The following TMEM245 variants were observed in gnomAD, a reference collection of about 807,000 sequenced individuals.
The protein encoded by TMEM245 is protein CG-2.
Under a neutral mutation model 101.2 loss-of-function variants are expected in TMEM245, and 69 were observed. The ratio of observed to expected loss-of-function variants is 0.68; its 90% CI spans 0.56 to 0.83. The LOEUF (loss-of-function observed/expected upper bound fraction) is 0.83, where lower values mean the gene tolerates loss of function less well. TMEM245 is among the 40% of genes least tolerant of loss of function. The pLI is 0.00. For synonymous variants in TMEM245, 537 were observed against 449.8 expected, an observed-to-expected ratio of 1.19 and a Z score of -2.45; for missense variants, 1,075 against 1,092.8, an observed-to-expected ratio of 0.98 and a Z score of 0.23.
chr9:109,060,245 G>A (rs2132433638), intron 11 of TMEM245, 109 bp downstream of exon 11: 1 of 815,068 alleles, frequency 1.2e-6, no homozygotes, highest in Non-Finnish European at 1.9e-6. Flanking sequence ...TTGCTGTTTT[G>A]AAATTTCCAT....
rs1827553996 is a variant in TMEM245, at chr9:109,019,434, C to CA, written c.*1025dup. On this transcript the variant is annotated 3_prime_UTR_variant, in exon 18 of 18. Transcript: ENST00000374586. Reference sequence around the variant, plus strand: ...TGATGTACTTGTGAAATAGTATGTGCAAAAGGACTTTGTAAAATGTAAAGC... The same window carrying CA: ...TGATGTACTTGTGAAATAGTATGTGCAAAAAGGACTTTGTAAAATGTAAAGC... 1 of 152,160 alleles carries CA rather than the reference C, an allele frequency of 6.6e-6. No individual in the cohort carries two copies. The highest frequency in any genetic ancestry group is 6.5e-5 in the Admixed American group (1 of 15,280). 9.4% of individuals were successfully genotyped at this position (152,160 alleles called of 1,614,324 possible). A position where few individuals can be genotyped will look rare whatever the true frequency, so the allele number is the denominator to read the frequency against.
At position 109,085,984 on chromosome 9, in the gene TMEM245, G is replaced by A. The variant is rs777057216; in HGVS notation, c.1344+13C>T. 6.2e-7 allele frequency: 1 copy of A among 1,613,828 alleles called. No homozygotes were observed. The highest frequency in any genetic ancestry group is 1.1e-5 in the South Asian group (1 of 91,074). Reference sequence around the variant, plus strand: ...ATTCAATAGTAAAAACCAACATCTGGGTGTTCATTTACCTTCTTATTTAGC... The same window carrying A: ...ATTCAATAGTAAAAACCAACATCTGAGTGTTCATTTACCTTCTTATTTAGC... On this transcript the variant is annotated intron_variant, in intron 7 of 17. Coordinates refer to ENST00000374586, the MANE Select transcript of TMEM245 (RefSeq NM_032012.4).
intron 12 of TMEM245, 53 bp downstream of exon 12, chr9:109,057,138 T>C: frequency 6.3e-7 from 1 of 1,585,112 alleles, no homozygotes; most frequent in South Asian, 1.1e-5. Flanking sequence ...AACTTGGAAT[T>C]ACAGTTTGTT....
chr9:109,044,883 C>A (rs1828435739), intron 14 of TMEM245, among the ~76,000 whole-genome samples: 1 of 151,860 alleles, frequency 6.6e-6, no homozygotes, highest in South Asian at 2.1e-4. Flanking sequence ...CCTGAGCCTC[C>A]CGAGTAGCTA....
chr9:109,045,576 A>G (rs77285104), intron 14 of TMEM245, among the ~76,000 whole-genome samples: 1 of 152,180 alleles, frequency 6.6e-6, no homozygotes, highest in Non-Finnish European at 1.5e-5. Flanking sequence ...AATGCTAACT[A>G]AAAAAATAAC....
chr9:109,115,755 C>G (rs1564215993), intron 1 of TMEM245, among the ~76,000 whole-genome samples: 1 of 151,994 alleles, frequency 6.6e-6, no homozygotes. Context: ...GTCTCGAACT[C>G]CTGACCTCAG....
At chr9:109,115,689 C>A (rs1326999183) in intron 1 of TMEM245, among the ~76,000 whole-genome samples, 1 of 151,664 alleles carries the variant, frequency 6.6e-6, no homozygotes, top group African/African-American at 2.4e-5. Context: ...GCCGTCACAC[C>A]CGGCTAATTT....
intron 3 of TMEM245, among the ~76,000 whole-genome samples, chr9:109,093,845 T>C (rs746323793): frequency 6.6e-6 from 1 of 152,210 alleles, no homozygotes; most frequent in Non-Finnish European, 1.5e-5. Context: ...ACACTACACA[T>C]GTAAACTTGG....
intron 17 of TMEM245, among the ~76,000 whole-genome samples, chr9:109,025,579 C>T (rs1262972587): frequency 6.6e-6 from 1 of 152,104 alleles, no homozygotes; most frequent in Non-Finnish European, 1.5e-5. Context: ...AGAATAGCAT[C>T]CCTGAAAGAG....
At chr9:109,032,280 A>G (rs980268582) in intron 17 of TMEM245, among the ~76,000 whole-genome samples, 3 of 147,826 alleles carry the variant, frequency 2.0e-5, no homozygotes. Context: ...AATTTCCCCA[A>G]TTGTTTCAGA....
chr9:109,065,395 G>A (rs985077716), intron 9 of TMEM245, among the ~76,000 whole-genome samples: 16 of 6,316 alleles, frequency 2.5e-3, no homozygotes, highest in African/African-American at 7.8e-3. Flanking sequence ...AGGTGATACT[G>A]ATGGCATGCT....
chr9:109,091,067 C>T lies in TMEM245; in HGVS notation c.1005G>A (p.Leu335=). The T allele has an allele frequency of 6.2e-7, 1 of 1,614,032 alleles. No homozygotes were observed. The highest frequency in any genetic ancestry group is 8.5e-7 in the Non-Finnish European group (1 of 1,180,004). Residue 335 remains leucine, a synonymous_variant, in exon 5 of 18, where the codon CTG becomes CTA. Coordinates refer to ENST00000374586, the MANE Select transcript of TMEM245 (RefSeq NM_032012.4). ...TTCCTATTTCAGGCCTTCGTCTGCCCAGAGTAGGTGAAGGGGAAGTGGGTG... is the reference window on the plus strand; with the variant it reads ...TTCCTATTTCAGGCCTTCGTCTGCCTAGAGTAGGTGAAGGGGAAGTGGGTG... ...SPSPTSPSPT[L]GRRRPEIGTF... is the part of the protein sequence containing the mutation.
chr9:109,102,456 A>T (rs151044213), intron 3 of TMEM245, among the ~76,000 whole-genome samples: 4 of 152,352 alleles, frequency 2.6e-5, no homozygotes, highest in African/African-American at 9.6e-5. Flanking sequence ...GTACCTGTAC[A>T]AATACACCAG....
chr9:109,098,613 T>C (rs763289979), intron 3 of TMEM245, among the ~76,000 whole-genome samples: 8 of 150,172 alleles, frequency 5.3e-5, no homozygotes, highest in African/African-American at 1.5e-4. Context: ...AACAGAACAA[T>C]GCCAGGACTG....
At chr9:109,070,807 C>T (rs961272376) in intron 9 of TMEM245, among the ~76,000 whole-genome samples, 2 of 152,204 alleles carry the variant, frequency 1.3e-5, no homozygotes, top group Non-Finnish European at 1.5e-5. Flanking sequence ...GATTAGTCTG[C>T]ATTTCCTAGA....
intron 12 of TMEM245, among the ~76,000 whole-genome samples, chr9:109,056,810 T>C (rs943031076): frequency 2.6e-5 from 4 of 152,112 alleles, no homozygotes; most frequent in African/African-American, 7.2e-5. Context: ...GCAGAGGTGA[T>C]GATGCATGGT....
intron 14 of TMEM245, 48 bp from the exon 15 acceptor site, chr9:109,038,165 T>C (rs372704119): frequency 4.8e-6 from 7 of 1,463,754 alleles, no homozygotes; most frequent in East Asian, 4.7e-5. Flanking sequence ...CAGTGTCATA[T>C]CGTGATTCAG....
intron 7 of TMEM245, among the ~76,000 whole-genome samples, chr9:109,081,474 A>C (rs1306958355): frequency 1.3e-5 from 2 of 152,186 alleles, no homozygotes; most frequent in Non-Finnish European, 2.9e-5. Flanking sequence ...TAGAATTACA[A>C]AAGCAGTAAT....
chr9:109,109,738 TCAA>T (rs1421489891), intron 1 of TMEM245, among the ~76,000 whole-genome samples: 8 of 152,062 alleles, frequency 5.3e-5, no homozygotes, highest in Admixed American at 4.6e-4. Context: ...ACCTAAAAGG[TCAA>T]CAACTGGGAA....
Sources: gnomAD v4.1 joint callset for allele counts (sites outside exome capture counted in the v4.1 genomes callset) on GRCh38, gnomAD v4.1.1 for gene constraint, MANE v1.5 for transcripts, NCBI Gene and HGNC (gene_info 2026-07-23, HGNC 2026-07-21) for gene names.